The following SLC27A1 variants were observed in gnomAD, a reference collection of about 807,000 sequenced individuals.
The protein encoded by SLC27A1 is solute carrier family 27 member 1.
A neutral mutation model predicts 62.2 loss-of-function variants in SLC27A1; 61 were observed. That is an observed-to-expected ratio of 0.98 (90% CI 0.80 to 1.21). SLC27A1 has a LOEUF of 1.21. Ranked by LOEUF, SLC27A1 falls within the 50% of genes most tolerant of loss-of-function variation. The pLI, the probability that SLC27A1 is intolerant of heterozygous loss-of-function variation, is 0.00. For synonymous variants in SLC27A1, 435 were observed against 408.6 expected (o/e 1.06, Z -0.78); for missense variants, 903 against 932.1 (o/e 0.97, Z 0.41).
chr19:17,490,448 C>T (rs933675697), intron 6 of SLC27A1, among the ~76,000 whole-genome samples: 4 of 151,136 alleles, frequency 2.6e-5, no homozygotes, highest in Admixed American at 1.3e-4. Flanking sequence ...GCCACTGTAC[C>T]CAGCCCAAAA....
intron 11 of SLC27A1, among the ~76,000 whole-genome samples, chr19:17,502,142 A>AT (rs1485331922): frequency 6.6e-6 from 1 of 151,676 alleles, no homozygotes. Flanking sequence ...TTTCAACATG[A>AT]TTTTTGGTGC....
At chr19:17,474,421 C>T (rs1345284600) in intron 1 of SLC27A1, among the ~76,000 whole-genome samples, 3 of 152,168 alleles carry the variant, frequency 2.0e-5, no homozygotes, top group African/African-American at 7.2e-5. Context: ...TTCTTGGGTT[C>T]ACCCAGGCCC....
In SLC27A1 at chr19:17,500,844, C is replaced by A; in HGVS notation, c.1604C>A (p.Thr535Lys). The A allele has an allele frequency of 6.2e-7, 1 of 1,610,456 alleles. No homozygotes were observed. ...EGVLSRLLGQ[T>K]DVAVYGVAVP... The stretch of plus-strand genomic sequence containing the variant: ...GTGCTGAGCCGCCTGCTGGGCCAGA[C>A]AGACGTGGCCGTCTATGGGGTGGCT... Residue 535 changes from threonine (T) to lysine (K), a missense_variant, in exon 10 of 12, where the codon ACA becomes AAA. Coordinates refer to ENST00000252595, the MANE Select transcript of SLC27A1 (RefSeq NM_198580.3).
chr19:17,501,017 T>C, intron 10 of SLC27A1, 141 bp downstream of exon 10: 2 of 1,107,766 alleles, frequency 1.8e-6, no homozygotes, highest in Non-Finnish European at 2.5e-6. Context: ...GCACTGGATC[T>C]GGAGCCAGTT....
intron 6 of SLC27A1, among the ~76,000 whole-genome samples, chr19:17,494,236 G>C (rs1037797578): frequency 1.3e-5 from 2 of 151,566 alleles, no homozygotes; most frequent in African/African-American, 4.9e-5. Flanking sequence ...TGTTAGCCAG[G>C]ATGGTCTCGA....
intron 6 of SLC27A1, among the ~76,000 whole-genome samples, chr19:17,490,463 C>T (rs2075283804): frequency 6.6e-6 from 1 of 151,048 alleles, no homozygotes; most frequent in Admixed American, 6.6e-5. Flanking sequence ...CCAAAATTAT[C>T]TTTTAAAAAA....
At chr19:17,481,622 G>C (rs1042411835) in intron 1 of SLC27A1, among the ~76,000 whole-genome samples, 5 of 152,176 alleles carry the variant, frequency 3.3e-5, no homozygotes, top group African/African-American at 9.7e-5. Context: ...TCCTGCTTCA[G>C]CCTTCTGAGT....
At chr19:17,488,756 C>A in intron 4 of SLC27A1, 92 bp from the exon 5 acceptor site, 1 of 1,181,682 alleles carries the variant, frequency 8.5e-7, no homozygotes, top group Non-Finnish European at 1.2e-6. Context: ...GCTGGCTTTG[C>A]CTGGGTCCAC....
Position 17,470,708 on chromosome 19 carries a change from G to C in SLC27A1, c.167+1G>C, listed in dbSNP as rs777347224. ...GCAAGACCGCGAGGCGAGACCTCTT[G>C]TGAGTGTTGCCGGGATCCGTCCAGG... On this transcript the variant is annotated splice_donor_variant, in intron 1 of 11. Transcript: ENST00000252595. LOFTEE classifies it high-confidence loss of function. 3.2e-6 allele frequency: 5 copies of C among 1,581,370 alleles called. No homozygotes were observed. The highest frequency in any genetic ancestry group is 4.6e-5 in the East Asian group (2 of 43,890).
intron 1 of SLC27A1, among the ~76,000 whole-genome samples, chr19:17,478,930 C>T (rs1255836343): frequency 2.0e-5 from 3 of 151,758 alleles, no homozygotes; most frequent in Non-Finnish European, 2.9e-5. Flanking sequence ...TGCATGTTGG[C>T]AATTCTGATT....
At chr19:17,483,394 G>A (rs565495635) in intron 1 of SLC27A1, among the ~76,000 whole-genome samples, 1 of 152,232 alleles carries the variant, frequency 6.6e-6, no homozygotes, top group South Asian at 2.1e-4. Flanking sequence ...CAATGAGGCT[G>A]CTGGGGGGAG....
upstream of SLC27A1, chr19:17,470,508 G>C: frequency 6.6e-7 from 1 of 1,511,470 alleles, no homozygotes; most frequent in South Asian, 1.2e-5. Context: ...GGCTGGAGCG[G>C]CCCGCGGCCT....
intron 1 of SLC27A1, among the ~76,000 whole-genome samples, chr19:17,480,377 CT>C (rs888016202): frequency 3.1e-4 from 45 of 146,160 alleles, no homozygotes; most frequent in Admixed American, 1.5e-3. Flanking sequence ...ATTTCTTTCT[CT>C]TTTTTTTTTC....
intron 1 of SLC27A1, among the ~76,000 whole-genome samples, chr19:17,482,574 C>A (rs1284413245): frequency 2.6e-5 from 4 of 150,984 alleles, no homozygotes; most frequent in Non-Finnish European, 4.4e-5. Context: ...TTGCTGGAAC[C>A]CAGGAGGCAA....
At chr19:17,477,237 G>GAACC (rs2075131872) in intron 1 of SLC27A1, among the ~76,000 whole-genome samples, 4 of 58,994 alleles carry the variant, frequency 6.8e-5, no homozygotes, top group African/African-American at 2.5e-4. Context: ...TGGATGAGCA[G>GAACC]CGCTTTTTTT....
In SLC27A1 at chr19:17,488,179, C is replaced by T. The variant is rs577877222; in HGVS notation, c.794+650C>T. The stretch of plus-strand genomic sequence containing the variant: ...TTCGAGACCGTCCTGGCCAACGTGG[C>T]GAAACCCTGTCTCTACTAAAAATAC... On this transcript the variant is annotated intron_variant, in intron 4 of 11. Coordinates refer to ENST00000252595, the MANE Select transcript of SLC27A1 (RefSeq NM_198580.3). Among the ~76,000 whole-genome samples, 8 of 152,188 alleles carry T rather than the reference C, an allele frequency of 5.3e-5. No homozygotes were observed. In the East Asian group the frequency reaches 1.2e-3, roughly 22 times the overall value.
intron 1 of SLC27A1, among the ~76,000 whole-genome samples, chr19:17,479,833 G>A (rs891977830): frequency 3.9e-5 from 6 of 152,056 alleles, no homozygotes; most frequent in African/African-American, 9.7e-5. Flanking sequence ...TAGTAGAGAC[G>A]GAGTTTTGCC....
In SLC27A1 at chr19:17,497,478, G is replaced by C; in HGVS notation, c.1206+14G>C. 6.3e-7 allele frequency: 1 copy of C among 1,596,640 alleles called. No individual in the cohort carries two copies. ...ATGGACGGCAAGGTGCACACCGGCA[G>C]GGCCCCGGGGCAGGTCTCGGAGTTC... is the stretch of plus-strand genomic sequence containing the variant. On this transcript the variant is annotated intron_variant, in intron 7 of 11. Transcript: ENST00000252595.
chr19:17,477,282 G>C lies in SLC27A1; in HGVS notation c.167+6575G>C, dbSNP rs549880735. Among the ~76,000 whole-genome samples, 21 of 87,108 alleles carry C rather than the reference G, an allele frequency of 2.4e-4. No individual in the cohort carries two copies. The South Asian group carries it at 7.7e-3, about 32-fold the overall frequency. 57.1% of individuals were successfully genotyped at this position (87,108 alleles called of 152,430 possible). ...TTTTTTTTGAGACTGAATCTTGCTC[G>C]ATTGCCCAGGCTGGAGTGCAGTGGT... On this transcript the variant is annotated intron_variant, in intron 1 of 11. Transcript: ENST00000252595.
Sources: gnomAD v4.1 joint callset for allele counts (sites outside exome capture counted in the v4.1 genomes callset) on GRCh38, gnomAD v4.1.1 for gene constraint, MANE v1.5 for transcripts, NCBI Gene and HGNC (gene_info 2026-07-23, HGNC 2026-07-21) for gene names.